The following EPB41L3 variants were observed in gnomAD, a reference collection of about 807,000 sequenced individuals.
EPB41L3 encodes the protein erythrocyte membrane protein band 4.1 like 3, also known as band 4.1-like protein 3.
In EPB41L3, 57 loss-of-function variants were observed where a neutral mutation model predicts 127.1. The observed-to-expected ratio is 0.45, with a 90% confidence interval of 0.36 to 0.56. The LOEUF is 0.56. Ranked by LOEUF, EPB41L3 falls within the 20% of genes least tolerant of loss-of-function variation. The probability of loss-of-function intolerance (pLI) is 0.00; values close to 1 mark genes in which losing one functional copy is unlikely to be tolerated. For missense variants in EPB41L3, 1,273 were observed against 1,372.2 expected (o/e 0.93, Z 1.14); for synonymous variants, 572 against 549.5 (o/e 1.04, Z -0.57).
chr18:5,532,812 C>T (rs1210781936), intron 1 of EPB41L3, among the ~76,000 whole-genome samples: 1 of 151,952 alleles, frequency 6.6e-6, no homozygotes, highest in Non-Finnish European at 1.5e-5. Flanking sequence ...CTGAGCAGCA[C>T]GAAGGCCCTT....
At chr18:5,450,267 G>T (rs947579700) in intron 3 of EPB41L3, among the ~76,000 whole-genome samples, 1 of 152,082 alleles carries the variant, frequency 6.6e-6, no homozygotes, top group African/African-American at 2.4e-5. Context: ...AATGGTGAAC[G>T]CATGACATTA....
At chr18:5,523,489 C>T (rs139335042) in intron 1 of EPB41L3, among the ~76,000 whole-genome samples, 38 of 152,112 alleles carry the variant, frequency 2.5e-4, no homozygotes, top group African/African-American at 8.2e-4. Context: ...TTAAAATATA[C>T]CCAACTTAAA....
At chr18:5,527,252 G>A (rs1385988272) in intron 1 of EPB41L3, among the ~76,000 whole-genome samples, 2 of 152,128 alleles carry the variant, frequency 1.3e-5, no homozygotes, top group Admixed American at 1.3e-4. Context: ...TCTTAGTCCA[G>A]CACACACTGA....
At chr18:5,513,377 C>G (rs555634013) in intron 1 of EPB41L3, among the ~76,000 whole-genome samples, 3 of 152,034 alleles carry the variant, frequency 2.0e-5, no homozygotes, top group African/African-American at 7.2e-5. Flanking sequence ...TTTGAAGTAC[C>G]TAGAAAAAAG....
intron 1 of EPB41L3, among the ~76,000 whole-genome samples, chr18:5,513,603 A>G (rs2092633405): frequency 6.6e-6 from 1 of 152,230 alleles, no homozygotes; most frequent in Admixed American, 6.5e-5. Flanking sequence ...AACTGACTCC[A>G]CAATGAATTA....
intron 3 of EPB41L3, among the ~76,000 whole-genome samples, chr18:5,464,914 G>A (rs972643514): frequency 2.0e-5 from 3 of 152,166 alleles, no homozygotes; most frequent in African/African-American, 7.2e-5. Flanking sequence ...CACATTATTT[G>A]AGTGAGTTCA....
At chr18:5,434,391 AAAAG>A (rs1300540557) in intron 6 of EPB41L3, among the ~76,000 whole-genome samples, 1 of 152,244 alleles carries the variant, frequency 6.6e-6, no homozygotes, top group Non-Finnish European at 1.5e-5. Flanking sequence ...AGCACAGTCT[AAAAG>A]AAACTTAAAG....
At position 5,613,130 on chromosome 18, in the gene EPB41L3, G is replaced by A. The variant is rs568725916; in HGVS notation, c.-394-702C>T. Among the ~76,000 whole-genome samples the A allele has an allele frequency of 3.0e-3, 456 of 152,288 alleles. 1 individual carries two copies. Among genetic ancestry groups the A allele is most frequent in the African/African-American group, 1.0e-2 (414 of 41,548 alleles). On this transcript the variant is annotated intron_variant, in intron 2 of 21. Transcript: ENST00000545076. ...TGGTGAGTTGATCTTTGAGTGAGAG[G>A]ACACACTTGCAGAGAGGAGGGACTT...
chr18:5,413,794 T>A (rs2144600480), intron 13 of EPB41L3, among the ~76,000 whole-genome samples: 1 of 152,332 alleles, frequency 6.6e-6, no homozygotes, highest in African/African-American at 2.4e-5. Flanking sequence ...TGATGAAGAC[T>A]CCAGTGGTCA....
intron 13 of EPB41L3, among the ~76,000 whole-genome samples, chr18:5,414,048 A>G (rs1050967475): frequency 2.0e-5 from 3 of 152,210 alleles, no homozygotes; most frequent in African/African-American, 7.2e-5. Context: ...TTGAATTTAG[A>G]AAAGCATAAA....
chr18:5,604,020 CGT>C, intron 3 of EPB41L3, among the ~76,000 whole-genome samples: 2 of 58,430 alleles, frequency 3.4e-5, no homozygotes, highest in East Asian at 1.4e-3. Context: ...CACACACACA[CGT>C]GCACACACAC....
intron 3 of EPB41L3, among the ~76,000 whole-genome samples, chr18:5,583,392 A>G (rs567748747): frequency 6.6e-6 from 1 of 152,362 alleles, no homozygotes; most frequent in East Asian, 1.9e-4. Context: ...CAGAAAGCCC[A>G]CAGCCCCAGT....
intron 1 of EPB41L3, chr18:5,540,320 T>G: frequency 3.1e-6 from 3 of 982,994 alleles, no homozygotes; most frequent in Non-Finnish European, 3.6e-6. Flanking sequence ...ATTTACACCT[T>G]TCAATTCTCC....
intron 3 of EPB41L3, among the ~76,000 whole-genome samples, chr18:5,608,011 C>T (rs935781883): frequency 6.6e-6 from 1 of 152,134 alleles, no homozygotes; most frequent in South Asian, 2.1e-4. Flanking sequence ...AAACAGACCC[C>T]TTCTTCTACT....
chr18:5,486,119 C>T (rs780764038), intron 2 of EPB41L3, among the ~76,000 whole-genome samples: 2 of 151,980 alleles, frequency 1.3e-5, no homozygotes, highest in Admixed American at 6.5e-5. Flanking sequence ...ATCAAAACAG[C>T]ATGGTACTGG....
intron 2 of EPB41L3, among the ~76,000 whole-genome samples, chr18:5,484,853 C>T (rs183721388): frequency 6.6e-6 from 1 of 151,618 alleles, no homozygotes; most frequent in East Asian, 1.9e-4. Flanking sequence ...AAAAAGTCTT[C>T]TATCAAAAAA....
intron 9 of EPB41L3, 127 bp downstream of exon 9, chr18:5,428,182 ACTCT>A: frequency 1.0e-6 from 1 of 995,354 alleles, no homozygotes; most frequent in South Asian, 1.7e-5. Flanking sequence ...CCTACAATAA[ACTCT>A]CTCAGGCACT....
chr18:5,403,387 C>T (rs1053817313), intron 16 of EPB41L3, among the ~76,000 whole-genome samples: 2 of 152,032 alleles, frequency 1.3e-5, no homozygotes, highest in Admixed American at 1.3e-4. Flanking sequence ...ATTCTCAGAA[C>T]ATAACATCAT....
upstream of EPB41L3, chr18:5,630,326 A>G (rs1599436944): frequency 1.9e-6 from 1 of 515,476 alleles, no homozygotes; most frequent in Non-Finnish European, 3.9e-6. Context: ...CCACGGGGCT[A>G]GGCGGCGCTC....
Sources: gnomAD v4.1 joint callset for allele counts (sites outside exome capture counted in the v4.1 genomes callset) on GRCh38, gnomAD v4.1.1 for gene constraint, MANE v1.5 for transcripts, NCBI Gene and HGNC (gene_info 2026-07-23, HGNC 2026-07-21) for gene names.